Variants in CLYBL observed in about 807,000 individuals in gnomAD.
The protein encoded by CLYBL is citramalyl-CoA lyase, mitochondrial.
Under a neutral mutation model 38.9 loss-of-function variants are expected in CLYBL, and 31 were observed. The ratio of observed to expected loss-of-function variants is 0.80; its 90% CI spans 0.60 to 1.08. The LOEUF is 1.08. Ranked by LOEUF, CLYBL falls within the 50% of genes least tolerant of loss-of-function variation. The probability of loss-of-function intolerance (pLI) is 0.00; values close to 1 mark genes in which losing one functional copy is unlikely to be tolerated. For missense variants in CLYBL, 434 were observed against 411.6 expected, an observed-to-expected ratio of 1.05 and a Z score of -0.47; for synonymous variants, 171 against 158.6, an observed-to-expected ratio of 1.08 and a Z score of -0.59.
chr13:99,689,007 C>A (rs1490708226), intron 1 of CLYBL, among the ~76,000 whole-genome samples: 1 of 152,052 alleles, frequency 6.6e-6, no homozygotes, highest in Non-Finnish European at 1.5e-5. Flanking sequence ...CCAGGTCTGC[C>A]CACTCAGTTT....
intron 2 of CLYBL, among the ~76,000 whole-genome samples, chr13:99,844,827 G>A (rs756588077): frequency 1.3e-5 from 2 of 152,130 alleles, no homozygotes; most frequent in Non-Finnish European, 2.9e-5. Flanking sequence ...CTAGCGCGTG[G>A]GCATTCAAAG....
At chr13:99,840,348 A>G (rs2051041277) in intron 2 of CLYBL, among the ~76,000 whole-genome samples, 1 of 152,052 alleles carries the variant, frequency 6.6e-6, no homozygotes, top group African/African-American at 2.4e-5. Flanking sequence ...ACGGTGGCTC[A>G]TGCGTGTAAT....
chr13:99,819,160 A>G (rs1272338793), intron 2 of CLYBL, among the ~76,000 whole-genome samples: 1 of 151,864 alleles, frequency 6.6e-6, no homozygotes, highest in African/African-American at 2.4e-5. Flanking sequence ...AGCCTGGTCA[A>G]CATAATATCT....
At chr13:99,871,990 C>CAAAAAA (rs113487766) in intron 7 of CLYBL, among the ~76,000 whole-genome samples, 2 of 119,394 alleles carry the variant, frequency 1.7e-5, no homozygotes, top group Non-Finnish European at 3.8e-5. Context: ...TTCCCCCCTG[C>CAAAAAA]AAAAAAAAAA....
At chr13:99,895,968 G>A (rs562449952), downstream of CLYBL, 1 of 151,892 alleles carries the variant, frequency 6.6e-6, no homozygotes. Context: ...TCTTCCGACG[G>A]AAGGGCACCG....
At position 99,634,348 on chromosome 13, in the gene CLYBL, A is replaced by G. The variant is rs1467426043; in HGVS notation, c.62+27591A>G. On this transcript the variant is annotated intron_variant, in intron 1 of 8. Transcript: ENST00000339105. ...AAAGAATCTGACTATGAGAAATGCTAAAGGAATTTCTTTAGGCTTAAGGGA... is the reference window on the plus strand; with the variant it reads ...AAAGAATCTGACTATGAGAAATGCTGAAGGAATTTCTTTAGGCTTAAGGGA... Among the ~76,000 whole-genome samples the G allele has an allele frequency of 2.0e-5, 3 of 152,348 alleles. No individual in the cohort carries two copies. The East Asian group carries it at 5.8e-4, about 29-fold the overall frequency.
At chr13:99,707,979 A>AGTTTT (rs1224470119) in intron 1 of CLYBL, among the ~76,000 whole-genome samples, 6 of 151,846 alleles carry the variant, frequency 4.0e-5, no homozygotes, top group South Asian at 2.1e-4. Context: ...CTGGGTATTT[A>AGTTTT]GTTTTGTTTT....
At chr13:99,635,098 G>A (rs959317200) in intron 1 of CLYBL, among the ~76,000 whole-genome samples, 1 of 152,140 alleles carries the variant, frequency 6.6e-6, no homozygotes, top group Admixed American at 6.5e-5. Context: ...TTCCCATCTC[G>A]GGTGATCAGG....
chr13:99,831,082 G>A (rs915142046), intron 2 of CLYBL, among the ~76,000 whole-genome samples: 3 of 152,216 alleles, frequency 2.0e-5, no homozygotes, highest in African/African-American at 7.2e-5. Context: ...GCACATGAAG[G>A]AAGAGGCAGG....
intron 1 of CLYBL, among the ~76,000 whole-genome samples, chr13:99,731,911 T>C (rs2048597967): frequency 6.6e-6 from 1 of 152,178 alleles, no homozygotes; most frequent in Non-Finnish European, 1.5e-5. Context: ...GAACTGTCCT[T>C]TAATTGCTTC....
intron 1 of CLYBL, among the ~76,000 whole-genome samples, chr13:99,675,975 C>A (rs1053176656): frequency 5.9e-5 from 9 of 152,116 alleles, no homozygotes; most frequent in South Asian, 2.1e-4. Context: ...TGCCTCAGCC[C>A]CCCAAGTAGC....
intron 1 of CLYBL, among the ~76,000 whole-genome samples, chr13:99,695,317 A>G (rs943685037): frequency 5.9e-5 from 9 of 152,252 alleles, no homozygotes; most frequent in Admixed American, 5.9e-4. Context: ...ACAGGTTAAC[A>G]AGAGCAAAGC....
chr13:99,746,353 CTAT>C (rs551051531), intron 1 of CLYBL, among the ~76,000 whole-genome samples: 4 of 91,724 alleles, frequency 4.4e-5, no homozygotes, highest in Non-Finnish European at 9.5e-5. Context: ...GCTTTAAATA[CTAT>C]TTTTTTTTTT....
At chr13:99,838,154 A>G (rs1432619112) in intron 2 of CLYBL, among the ~76,000 whole-genome samples, 3 of 152,198 alleles carry the variant, frequency 2.0e-5, no homozygotes, top group Non-Finnish European at 2.9e-5. Context: ...ACTTTTTAAA[A>G]CATAATTTTT....
At chr13:99,738,249 A>C (rs2048697896) in intron 1 of CLYBL, among the ~76,000 whole-genome samples, 1 of 152,180 alleles carries the variant, frequency 6.6e-6, no homozygotes, top group African/African-American at 2.4e-5. Flanking sequence ...GTTGTATAAA[A>C]TTGGTTAAAA....
chr13:99,668,399 A>C (rs1282474775), intron 1 of CLYBL, among the ~76,000 whole-genome samples: 1 of 152,200 alleles, frequency 6.6e-6, no homozygotes, highest in Non-Finnish European at 1.5e-5. Context: ...AGCCTGACCA[A>C]CATGGTGAAA....
At chr13:99,663,243 G>C (rs975019341) in intron 1 of CLYBL, among the ~76,000 whole-genome samples, 4 of 152,194 alleles carry the variant, frequency 2.6e-5, no homozygotes, top group Non-Finnish European at 5.9e-5. Context: ...TCTGAAACTG[G>C]AGCAAACAGG....
intron 2 of CLYBL, among the ~76,000 whole-genome samples, chr13:99,775,610 G>A (rs536090477): frequency 2.0e-5 from 3 of 152,120 alleles, no homozygotes; most frequent in East Asian, 1.9e-4. Flanking sequence ...CTGGGCTCAA[G>A]CAGTCCTCCC....
intron 1 of CLYBL, among the ~76,000 whole-genome samples, chr13:99,736,578 A>G (rs1416578723): frequency 1.3e-5 from 2 of 152,086 alleles, no homozygotes; most frequent in Admixed American, 6.5e-5. Flanking sequence ...AGAAATATGC[A>G]TGACATTTTC....
Sources: allele counts gnomAD v4.1 joint callset (sites outside exome capture counted in the v4.1 genomes callset), GRCh38; gene constraint gnomAD v4.1.1; transcripts MANE v1.5; gene names NCBI Gene and HGNC (gene_info 2026-07-23, HGNC 2026-07-21).